The following ALG13 variants were observed in gnomAD, a reference collection of about 807,000 sequenced individuals.
ALG13 encodes UDP-N-acetylglucosamine transferase subunit ALG13.
ALG13 carries 11 observed loss-of-function variants against 87.8 expected under a neutral mutation model. That is an observed-to-expected ratio of 0.13 (90% confidence interval 0.08 to 0.21). The LOEUF (loss-of-function observed/expected upper bound fraction) is 0.21. ALG13 is among the 10% of genes least tolerant of loss of function. The pLI, the probability that ALG13 is intolerant of heterozygous loss-of-function variation, is 1.00. For missense variants in ALG13, 756 were observed against 866.1 expected, an observed-to-expected ratio of 0.87 and a Z score of 1.60; for synonymous variants, 320 against 306.3, an observed-to-expected ratio of 1.04 and a Z score of -0.47.
At chrX:111,711,603 A>G (rs1602657584) in intron 5 of ALG13, 72 bp from the exon 6 acceptor site, 30 of 1,000,539 alleles carry the variant, frequency 3.0e-5, no homozygotes, top group Middle Eastern at 2.6e-4. Flanking sequence ...GCATTGCAGG[A>G]TAATGTAGAA....
intron 24 of ALG13, 70 bp downstream of exon 24, chrX:111,744,974 T>C: frequency 2.2e-6 from 2 of 920,476 alleles, no homozygotes; most frequent in Non-Finnish European, 3.1e-6. Context: ...TATCTCTCTT[T>C]GGTTGACCTA....
At chrX:111,707,306 C>T (rs1938949761) in intron 3 of ALG13, among the ~76,000 whole-genome samples, 1 of 112,360 alleles carries the variant, frequency 8.9e-6, no homozygotes, top group African/African-American at 3.2e-5. Context: ...ATTTTTATTT[C>T]CATTTTTAAA....
Position 111,760,319 on chromosome X carries a change from A to C in ALG13, c.*320A>C. On this transcript the variant is annotated 3_prime_UTR_variant, in exon 27 of 27. Transcript: ENST00000394780. ...CCAATTGATAAAATGAATATAAAGT[A>C]TTTCATTGGTTCAAAAATCACACAT... 1 of 195,475 alleles carries C rather than the reference A, an allele frequency of 5.1e-6. No homozygotes were observed. Among genetic ancestry groups the C allele is most frequent in the East Asian group, 1.0e-4 (1 of 9,666 alleles). 16.1% of individuals were successfully genotyped at this position (195,475 alleles called of 1,213,427 possible). A position where few individuals can be genotyped will look rare whatever the true frequency, so the allele number is the denominator to read the frequency against.
intron 3 of ALG13, among the ~76,000 whole-genome samples, chrX:111,703,450 C>T (rs1056162450): frequency 3.6e-5 from 4 of 111,314 alleles, no homozygotes; most frequent in Admixed American, 1.9e-4. Context: ...TTTTGACAAA[C>T]GCGTAATCAT....
intron 3 of ALG13, among the ~76,000 whole-genome samples, chrX:111,693,164 CTTTTTTTTTTT>C (rs61239915): frequency 1.8e-5 from 1 of 55,113 alleles, no homozygotes. Flanking sequence ...GTTTTTAATT[CTTTTTTTTTTT>C]TTTTTTTTTT....
chrX:111,706,750 G>T (rs1207062466), intron 3 of ALG13: 1 of 111,011 alleles, frequency 9.0e-6, no homozygotes, highest in African/African-American at 3.3e-5. Flanking sequence ...GGGTGACAGA[G>T]TGAGACACTT....
intron 8 of ALG13, chrX:111,714,418 C>T (rs1279531228): frequency 1.8e-5 from 2 of 109,602 alleles, no homozygotes; most frequent in African/African-American, 6.6e-5. Flanking sequence ...ATAAAAGAGT[C>T]CATCAAATAT....
At chrX:111,699,972 A>G (rs1467227954) in intron 3 of ALG13, among the ~76,000 whole-genome samples, 2 of 106,312 alleles carry the variant, frequency 1.9e-5, no homozygotes, top group African/African-American at 3.4e-5. Flanking sequence ...TCACTTTGGT[A>G]GTGTGGACAT....
intron 7 of ALG13, among the ~76,000 whole-genome samples, chrX:111,712,831 T>C (rs968669442): frequency 9.0e-6 from 1 of 111,649 alleles, no homozygotes; most frequent in Admixed American, 9.5e-5. Flanking sequence ...CAAAGCAAAG[T>C]TGAATAAACC....
In ALG13 at chrX:111,708,193, C is replaced by G. The variant is rs1939120027; in HGVS notation, c.550C>G (p.Leu184Val). The change falls in exon 4 of 27, where the codon CTG (leucine) becomes GTG (valine). Residue 184 changes from leucine to valine, a missense_variant. Coordinates refer to ENST00000394780, the MANE Select transcript of ALG13 (RefSeq NM_001099922.3). ...LVTATHPTCTLLFPSCHAFFP... is the reference protein window; with the variant it reads ...LVTATHPTCTVLFPSCHAFFP... ...TACTGCTACCCATCCTACCTGCACC[C>G]TGCTTTTTCCCTCTTGCCACGCTTT... 1 of 1,211,758 alleles carries G rather than the reference C, an allele frequency of 8.3e-7. No individual in the cohort carries two copies. Among genetic ancestry groups the G allele is most frequent in the East Asian group, 3.0e-5 (1 of 33,828 alleles).
intron 25 of ALG13, among the ~76,000 whole-genome samples, chrX:111,755,982 C>G (rs1014063336): frequency 8.9e-6 from 1 of 112,328 alleles, no homozygotes; most frequent in African/African-American, 3.2e-5. Context: ...TACTGCAGCA[C>G]TATTCACAAT....
chrX:111,706,916 A>G (rs1274363537), intron 3 of ALG13, among the ~76,000 whole-genome samples: 2 of 105,441 alleles, frequency 1.9e-5, no homozygotes, highest in Non-Finnish European at 3.9e-5. Context: ...TACTGGATCC[A>G]CAGATACAAA....
intron 24 of ALG13, among the ~76,000 whole-genome samples, chrX:111,748,683 T>C (rs1436649248): frequency 1.8e-5 from 2 of 112,087 alleles, no homozygotes; most frequent in African/African-American, 6.5e-5. Flanking sequence ...TATCTGCTCC[T>C]ATTCTGTGGC....
At chrX:111,704,937 T>A (rs1456091946) in intron 3 of ALG13, among the ~76,000 whole-genome samples, 5 of 112,109 alleles carry the variant, frequency 4.5e-5, no homozygotes, top group Non-Finnish European at 9.4e-5. Flanking sequence ...TTTTAGAAGA[T>A]TTTTATTATT....
chrX:111,701,161 C>T (rs1488408935), intron 3 of ALG13, among the ~76,000 whole-genome samples: 1 of 111,519 alleles, frequency 9.0e-6, no homozygotes, highest in African/African-American at 3.3e-5. Context: ...GGATATTGGT[C>T]TGTAAATTTC....
rs372260338 is a variant in ALG13 at position 111,757,707 on chromosome X, A to G, written c.3093A>G (p.Gln1031=). Residue 1031 remains glutamine (Q), a synonymous_variant, in exon 26 of 27, where the codon CAA becomes CAG. Coordinates refer to ENST00000394780, the MANE Select transcript of ALG13 (RefSeq NM_001099922.3). ...EPPLVDQTVP[Q]CYSEVRREDG... ...CTCTGGTAGATCAAACCGTTCCTCA[A>G]TGCTACAGTGAGGTGAGGAGAGAAG... 224 of 1,207,804 alleles carry G rather than the reference A, an allele frequency of 1.9e-4. No homozygotes were observed. Among genetic ancestry groups the G allele is most frequent in the African/African-American group, 1.6e-3 (94 of 57,025 alleles).
intron 3 of ALG13, among the ~76,000 whole-genome samples, chrX:111,690,781 C>A (rs982998874): frequency 1.8e-4 from 16 of 88,751 alleles, no homozygotes; most frequent in Non-Finnish European, 3.0e-4. Context: ...AAAGGCAAGT[C>A]ATATATAGGC....
chrX:111,684,974 G>A lies in ALG13; in HGVS notation c.254G>A (p.Ser85Asn), dbSNP rs1391110079. The change falls in exon 3 of 27, where the codon AGC (serine) becomes AAC (asparagine). Residue 85 changes from serine to asparagine, a missense_variant. Coordinates refer to ENST00000394780, the MANE Select transcript of ALG13 (RefSeq NM_001099922.3). ...TGATTTATATTTGTAGGTGCAGGAA[G>A]CTGTTTGGAGACTCTGGAAAAAGGA... ...DLVISHAGAGSCLETLEKGKP... is the reference protein window; with the variant it reads ...DLVISHAGAGNCLETLEKGKP... 1.7e-6 allele frequency: 2 copies of A among 1,204,683 alleles called. No homozygotes were observed. Among genetic ancestry groups the A allele is most frequent in the Admixed American group, 4.5e-5 (2 of 44,508 alleles).
chrX:111,700,799 G>A (rs1355795363), intron 3 of ALG13, among the ~76,000 whole-genome samples: 2 of 101,008 alleles, frequency 2.0e-5, no homozygotes, highest in Non-Finnish European at 4.0e-5. Flanking sequence ...CACTATGTTG[G>A]CCAGGCTGGT....
Sources: allele counts gnomAD v4.1 joint callset (sites outside exome capture counted in the v4.1 genomes callset), GRCh38; gene constraint gnomAD v4.1.1; transcripts MANE v1.5; gene names NCBI Gene and HGNC (gene_info 2026-07-23, HGNC 2026-07-21).